Variants in SLC13A4 observed in about 807,000 individuals in gnomAD.
SLC13A4 encodes the protein Na(+)/sulfate cotransporter SUT-1.
A neutral mutation model predicts 72.7 loss-of-function variants in SLC13A4; 28 were observed. The observed-to-expected ratio is 0.39, with a 90% CI of 0.29 to 0.53. SLC13A4 has a LOEUF of 0.53. SLC13A4 is among the 20% of genes least tolerant of loss of function. The probability of loss-of-function intolerance (pLI) is 0.78; values close to 1 mark genes in which losing one functional copy is unlikely to be tolerated. For missense variants in SLC13A4, 653 were observed against 788.0 expected (o/e 0.83, Z 2.05); for synonymous variants, 312 against 325.5 (o/e 0.96, Z 0.45).
At chr7:135,722,232 C>T (rs984204054) in intron 1 of SLC13A4, among the ~76,000 whole-genome samples, 8 of 150,776 alleles carry the variant, frequency 5.3e-5, no homozygotes, top group Admixed American at 3.3e-4. Context: ...GACTACAGGA[C>T]TATAGAGTAC....
At chr7:135,708,035 T>C in intron 3 of SLC13A4, 79 bp downstream of exon 3, 1 of 1,543,074 alleles carries the variant, frequency 6.5e-7, no homozygotes, top group Non-Finnish European at 8.8e-7. Flanking sequence ...CATCCCGCAG[T>C]GACCTGAGAC....
intron 5 of SLC13A4, chr7:135,704,832 C>T (rs558166323): frequency 7.2e-5 from 11 of 152,330 alleles, no homozygotes; most frequent in Admixed American, 3.3e-4. Flanking sequence ...TTCCTGATGG[C>T]ACCCTTCCAC....
rs181195264 is a variant in SLC13A4 at position 135,725,292 on chromosome 7, C to T, written c.99+2106G>A. ...CCACCCCAGTGATATCCCACTCCAA[C>T]TTCACGGGAAGGAGGTTGAAGTCTG... On this transcript the variant is annotated intron_variant, in intron 1 of 15. Coordinates refer to ENST00000682651, the MANE Select transcript of SLC13A4 (RefSeq NM_001318192.2). Among the ~76,000 whole-genome samples, 211 of 152,336 alleles carry T rather than the reference C, an allele frequency of 1.4e-3. 1 individual carries two copies. Among genetic ancestry groups the T allele is most frequent in the Middle Eastern group, 6.8e-3 (2 of 294 alleles).
At chr7:135,715,909 G>C (rs1411305913) in intron 2 of SLC13A4, among the ~76,000 whole-genome samples, 4 of 152,184 alleles carry the variant, frequency 2.6e-5, no homozygotes, top group Non-Finnish European at 1.5e-5. Context: ...GTAGCAGCTG[G>C]ATGCTCACAA....
At chr7:135,724,620 T>G (rs1584744727) in intron 1 of SLC13A4, among the ~76,000 whole-genome samples, 1 of 152,194 alleles carries the variant, frequency 6.6e-6, no homozygotes, top group East Asian at 1.9e-4. Context: ...GCAAACATTT[T>G]GGTTGTAAAT....
intron 1 of SLC13A4, 122 bp from the exon 2 acceptor site, chr7:135,721,645 C>A: frequency 7.7e-7 from 1 of 1,306,196 alleles, no homozygotes; most frequent in African/African-American, 1.5e-5. Context: ...GGATACAGCC[C>A]AGGGACCGAA....
chr7:135,709,535 G>A (rs1796250154), intron 2 of SLC13A4, among the ~76,000 whole-genome samples: 1 of 151,730 alleles, frequency 6.6e-6, no homozygotes, highest in Non-Finnish European at 1.5e-5. Context: ...TATTTTCTAC[G>A]AGTAGGGATT....
At chr7:135,691,453 G>GCCCC in intron 12 of SLC13A4, 95 bp downstream of exon 12, 1 of 540,536 alleles carries the variant, frequency 1.9e-6, no homozygotes, top group Non-Finnish European at 3.7e-6. Flanking sequence ...AGGGGGGTGG[G>GCCCC]AATCTGAAGG....
chr7:135,727,717 T>C lies in SLC13A4; in HGVS notation c.-221A>G, dbSNP rs1057383523. ...CTGCTTTAGGTGGGATTGATGAGCA[T>C]CGTTTTGTGACCAGCAAAAAGGAAC... On this transcript the variant is annotated 5_prime_UTR_variant, in exon 1 of 16. It removes an upstream start codon present in the reference 5' UTR. Coordinates refer to ENST00000682651, the MANE Select transcript of SLC13A4 (RefSeq NM_001318192.2). The C allele has an allele frequency of 6.0e-6, 3 of 502,194 alleles. No individual in the cohort carries two copies. Among genetic ancestry groups the C allele is most frequent in the African/African-American group, 5.8e-5 (3 of 51,610 alleles). The allele number at this position is 502,194 out of a possible 1,614,324, so 31.1% of individuals were successfully genotyped here. A position where few individuals can be genotyped will look rare whatever the true frequency, so the allele number is the denominator to read the frequency against.
chr7:135,710,836 C>G (rs1026976191), intron 2 of SLC13A4, among the ~76,000 whole-genome samples: 1 of 152,094 alleles, frequency 6.6e-6, no homozygotes, highest in African/African-American at 2.4e-5. Context: ...GGGAAAAGCC[C>G]CTGCTTCTGG....
chr7:135,727,092 C>T (rs189503729), intron 1 of SLC13A4, among the ~76,000 whole-genome samples: 1 of 152,362 alleles, frequency 6.6e-6, no homozygotes, highest in Non-Finnish European at 1.5e-5. Context: ...CTGGCCCCCG[C>T]TGCTGGGGCA....
At chr7:135,688,260 T>C (rs1795686312) in intron 13 of SLC13A4, among the ~76,000 whole-genome samples, 1 of 148,818 alleles carries the variant, frequency 6.7e-6, no homozygotes, top group Non-Finnish European at 1.5e-5. Context: ...ACAGGCATGA[T>C]CCACTGTGCC....
rs1795498125 is a variant in SLC13A4, at chr7:135,681,449, G to A, written c.*114C>T. Reference sequence around the variant, plus strand: ...TCTTCTGGTGGAGGGATGCCCTCCGGCGTGGGTCTGGGGTTGTGTGCTCCT... The same window carrying A: ...TCTTCTGGTGGAGGGATGCCCTCCGACGTGGGTCTGGGGTTGTGTGCTCCT... On this transcript the variant is annotated 3_prime_UTR_variant, in exon 16 of 16. Coordinates refer to ENST00000682651, the MANE Select transcript of SLC13A4 (RefSeq NM_001318192.2). The A allele has an allele frequency of 2.2e-6, 3 of 1,335,398 alleles. No individual in the cohort carries two copies. The Admixed American group carries it at 6.8e-5, about 30-fold the overall frequency. 82.7% of individuals were successfully genotyped at this position (1,335,398 alleles called of 1,614,324 possible).
At position 135,694,190 on chromosome 7, in the gene SLC13A4, T is replaced by C. The variant is rs781721077; in HGVS notation, c.1068A>G (p.Glu356=). 1.2e-6 allele frequency: 2 copies of C among 1,613,466 alleles called. No homozygotes were observed. The highest frequency in any genetic ancestry group is 1.7e-6 in the Non-Finnish European group (2 of 1,179,388). Residue 356 remains glutamate, a synonymous_variant, in exon 10 of 16, where the codon GAA becomes GAG. Transcript: ENST00000682651. ...SLSKKKKTKR[E]QLSEKRIQEE... ...CTTGGATCCTCTTCTCTGACAACTG[T>C]TCCCTTTTGGTCTTCTTCTTCTTGC... is the stretch of plus-strand genomic sequence containing the variant.
intron 2 of SLC13A4, among the ~76,000 whole-genome samples, chr7:135,713,824 C>G (rs1796358375): frequency 1.3e-5 from 2 of 152,248 alleles, no homozygotes; most frequent in South Asian, 4.1e-4. Context: ...ATCCTCCCAC[C>G]TTGGCCTCCC....
At chr7:135,718,099 G>C (rs575090076) in intron 2 of SLC13A4, among the ~76,000 whole-genome samples, 1 of 85,472 alleles carries the variant, frequency 1.2e-5, no homozygotes. Context: ...GCGCGCGCGC[G>C]CACGCGTGCG....
chr7:135,699,639 A>G (rs1216459893), intron 7 of SLC13A4, 91 bp from the exon 8 acceptor site: 1 of 1,201,514 alleles, frequency 8.3e-7, no homozygotes, highest in South Asian at 1.8e-5. Flanking sequence ...TACAGCGGAA[A>G]GGGTTTGAGC....
intron 15 of SLC13A4, among the ~76,000 whole-genome samples, chr7:135,682,020 T>G (rs990218787): frequency 6.6e-6 from 1 of 152,212 alleles, no homozygotes; most frequent in Non-Finnish European, 1.5e-5. Flanking sequence ...TAGGGAAATG[T>G]GCTAAACAAA....
At chr7:135,715,409 G>A (rs1379912965) in intron 2 of SLC13A4, among the ~76,000 whole-genome samples, 1 of 130,164 alleles carries the variant, frequency 7.7e-6, no homozygotes, top group Non-Finnish European at 1.6e-5. Context: ...GTGTGTATGA[G>A]TGTGTGTATG....
Sources: allele counts gnomAD v4.1 joint callset (sites outside exome capture counted in the v4.1 genomes callset), GRCh38; gene constraint gnomAD v4.1.1; transcripts MANE v1.5; gene names NCBI Gene and HGNC (gene_info 2026-07-23, HGNC 2026-07-21).